MDFIC2: variants seen among roughly 807,000 people sequenced by gnomAD.
MDFIC2 encodes MyoD family inhibitor domain containing 2.
At chr3:70,261,089 A>G (rs924388696) in intron 2 of MDFIC2, among the ~76,000 whole-genome samples, 5 of 152,210 alleles carry the variant, frequency 3.3e-5, no homozygotes, top group Admixed American at 3.3e-4. Flanking sequence ...TTAAAGTTCA[A>G]TTCCATTAAT....
chr3:70,290,120 T>A (rs1413800189), intron 2 of MDFIC2, among the ~76,000 whole-genome samples: 8 of 152,064 alleles, frequency 5.3e-5, no homozygotes, highest in Admixed American at 5.2e-4. Context: ...CGTTCCTTTG[T>A]AGGAGGAGAG....
At chr3:70,243,852 A>G (rs146891431) in intron 2 of MDFIC2, among the ~76,000 whole-genome samples, 1 of 152,330 alleles carries the variant, frequency 6.6e-6, no homozygotes, top group Non-Finnish European at 1.5e-5. Context: ...CTAGGAGGAT[A>G]TGTGGAGGAA....
chr3:70,287,344 A>G (rs1702176880), intron 2 of MDFIC2, among the ~76,000 whole-genome samples: 1 of 148,340 alleles, frequency 6.7e-6, no homozygotes. Flanking sequence ...GGCTGTGTTT[A>G]TATGCTGGAT....
chr3:70,291,432 A>G (rs901055067), intron 2 of MDFIC2, among the ~76,000 whole-genome samples: 2 of 152,192 alleles, frequency 1.3e-5, no homozygotes, highest in African/African-American at 4.8e-5. Flanking sequence ...AAGTAGAGCT[A>G]TTAGCTACCT....
At chr3:70,220,819 G>A (rs1305482955) in intron 2 of MDFIC2, among the ~76,000 whole-genome samples, 1 of 152,134 alleles carries the variant, frequency 6.6e-6, no homozygotes, top group Non-Finnish European at 1.5e-5. Flanking sequence ...ACAAAAGAAG[G>A]TCATTTCCTT....
intron 2 of MDFIC2, among the ~76,000 whole-genome samples, chr3:70,217,924 G>A (rs1701430516): frequency 6.6e-6 from 1 of 152,206 alleles, no homozygotes; most frequent in African/African-American, 2.4e-5. Flanking sequence ...TATAAATGTA[G>A]GATAGAAATA....
At chr3:70,295,598 A>T (rs1050676433) in intron 2 of MDFIC2, among the ~76,000 whole-genome samples, 1 of 152,054 alleles carries the variant, frequency 6.6e-6, no homozygotes, top group African/African-American at 2.4e-5. Context: ...ATTCCTAAGT[A>T]CTTGGGAGAC....
At chr3:70,292,848 G>A (rs934268275) in intron 2 of MDFIC2, among the ~76,000 whole-genome samples, 5 of 151,608 alleles carry the variant, frequency 3.3e-5, no homozygotes, top group Non-Finnish European at 5.9e-5. Flanking sequence ...TTTCTTTGAA[G>A]GTAGAATTAC....
At chr3:70,307,016 TAGAG>T (rs1222786241) in intron 2 of MDFIC2, among the ~76,000 whole-genome samples, 1 of 152,040 alleles carries the variant, frequency 6.6e-6, no homozygotes, top group African/African-American at 2.4e-5. Context: ...AATAGAGAGA[TAGAG>T]AGAAAATCTG....
intron 2 of MDFIC2, among the ~76,000 whole-genome samples, chr3:70,281,714 G>A (rs866719768): frequency 6.6e-6 from 1 of 152,092 alleles, no homozygotes; most frequent in Non-Finnish European, 1.5e-5. Flanking sequence ...CACCTCAAGT[G>A]AACTCCTTCT....
intron 2 of MDFIC2, among the ~76,000 whole-genome samples, chr3:70,240,905 A>C (rs538946375): frequency 6.6e-6 from 1 of 152,180 alleles, no homozygotes; most frequent in African/African-American, 2.4e-5. Context: ...GTATGAAAAC[A>C]CTGAATATTT....
chr3:70,239,688 A>G (rs1219510610), intron 2 of MDFIC2, among the ~76,000 whole-genome samples: 1 of 152,134 alleles, frequency 6.6e-6, no homozygotes, highest in Non-Finnish European at 1.5e-5. Flanking sequence ...TCATCTCTCA[A>G]GTCTATTTCA....
intron 2 of MDFIC2, among the ~76,000 whole-genome samples, chr3:70,223,561 C>G (rs1408215149): frequency 6.6e-6 from 1 of 152,086 alleles, no homozygotes; most frequent in Non-Finnish European, 1.5e-5. Flanking sequence ...GTCTCCCCCA[C>G]CAAAAATGAG....
chr3:70,201,251 T>C (rs1294674044), intron 3 of MDFIC2, among the ~76,000 whole-genome samples: 2 of 152,244 alleles, frequency 1.3e-5, no homozygotes, highest in South Asian at 4.1e-4. Context: ...TCTGTGTTTA[T>C]GTGTTCTCAT....
In MDFIC2 at chr3:70,307,318, G is replaced by A. The variant is rs114153725; in HGVS notation, c.88+4568C>T. ...CAGGAGACACTATAAGAAATCGTGT[G>A]CACTTCAAACGCTGACAATGCTGTG... On this transcript the variant is annotated intron_variant, in intron 2 of 3. Transcript: ENST00000567252. 2.6e-5 allele frequency among the ~76,000 whole-genome samples: 4 copies of A among 152,188 alleles called. No individual in the cohort carries two copies. The East Asian group carries it at 5.8e-4, about 22-fold the overall frequency.
At chr3:70,261,293 G>C (rs190066667) in intron 2 of MDFIC2, among the ~76,000 whole-genome samples, 1 of 152,208 alleles carries the variant, frequency 6.6e-6, no homozygotes, top group East Asian at 1.9e-4. Context: ...GTGCAGTGTG[G>C]CTTTCTCCTT....
intron 2 of MDFIC2, among the ~76,000 whole-genome samples, chr3:70,263,771 G>C (rs184690815): frequency 3.0e-4 from 45 of 152,092 alleles, no homozygotes; most frequent in Admixed American, 2.6e-3. Flanking sequence ...CTTCATCTCA[G>C]TAACACTGTC....
intron 2 of MDFIC2, among the ~76,000 whole-genome samples, chr3:70,299,957 G>C (rs1028162974): frequency 6.6e-6 from 1 of 151,852 alleles, no homozygotes; most frequent in Non-Finnish European, 1.5e-5. Flanking sequence ...CGTAGCTATC[G>C]TTCTCTGAAA....
At chr3:70,202,988 T>C (rs1436952330) in intron 3 of MDFIC2, among the ~76,000 whole-genome samples, 1 of 152,068 alleles carries the variant, frequency 6.6e-6, no homozygotes, top group African/African-American at 2.4e-5. Context: ...CTTTGGGTCT[T>C]GTCACCTTGG....
Sources: allele counts gnomAD v4.1 joint callset (sites outside exome capture counted in the v4.1 genomes callset), GRCh38; gene constraint gnomAD v4.1.1; transcripts MANE v1.5; gene names NCBI Gene and HGNC (gene_info 2026-07-23, HGNC 2026-07-21).